Variants in GABRB3 observed in about 807,000 individuals in gnomAD.
The protein encoded by GABRB3 is gamma-aminobutyric acid type A receptor subunit beta3.
GABRB3 carries 14 observed loss-of-function variants against 52.1 expected under a neutral mutation model. The observed-to-expected ratio is 0.27, with a 90% CI of 0.18 to 0.42. The LOEUF (loss-of-function observed/expected upper bound fraction) is 0.42, where lower values mean the gene tolerates loss of function less well. GABRB3 is among the 10% of genes least tolerant of loss of function. The pLI, the probability that GABRB3 is intolerant of heterozygous loss-of-function variation, is 1.00. For synonymous variants in GABRB3, 260 were observed against 232.3 expected (o/e 1.12, Z -1.08); for missense variants, 307 against 609.1 (o/e 0.50, Z 5.22).
chr15:26,645,664 C>G (rs558819087), intron 3 of GABRB3, among the ~76,000 whole-genome samples: 13 of 152,238 alleles, frequency 8.5e-5, no homozygotes, highest in African/African-American at 3.1e-4. Context: ...GGATGGCTTG[C>G]TTGGGTGCAG....
chr15:26,611,195 TAA>T (rs1566773500), intron 4 of GABRB3, among the ~76,000 whole-genome samples: 1 of 152,188 alleles, frequency 6.6e-6, no homozygotes, highest in African/African-American at 2.4e-5. Flanking sequence ...ATAAACTCTT[TAA>T]AAAATGAAAG....
chr15:26,650,730 G>A (rs929025752), intron 3 of GABRB3, among the ~76,000 whole-genome samples: 5 of 152,004 alleles, frequency 3.3e-5, no homozygotes, highest in African/African-American at 1.2e-4. Flanking sequence ...CCATTGAGTG[G>A]TGTCTTCACT....
chr15:26,604,853 T>C (rs1383912640), intron 4 of GABRB3, among the ~76,000 whole-genome samples: 1 of 152,020 alleles, frequency 6.6e-6, no homozygotes, highest in Non-Finnish European at 1.5e-5. Flanking sequence ...GACATTGGTC[T>C]GGGAAAAAGA....
In GABRB3 at chr15:26,548,006, C is replaced by T; in HGVS notation, c.1209G>A (p.Arg403=). ...GCCCTTCTCGAGGCATGCTCTGTTT[C>T]CTGTACTGGATTCCTGAGTTGTCAA... is the stretch of plus-strand genomic sequence containing the variant. ...ISFDNSGIQY[R]KQSMPREGHG... Residue 403 remains arginine (R), a synonymous_variant, in exon 9 of 9, where the codon AGG becomes AGA. Transcript: ENST00000311550. 1 of 1,614,196 alleles carries T rather than the reference C, an allele frequency of 6.2e-7. No homozygotes were observed. The highest frequency in any genetic ancestry group is 8.5e-7 in the Non-Finnish European group (1 of 1,180,044).
At chr15:26,551,733 C>G (rs1889471663) in intron 8 of GABRB3, among the ~76,000 whole-genome samples, 1 of 152,134 alleles carries the variant, frequency 6.6e-6, no homozygotes, top group South Asian at 2.1e-4. Flanking sequence ...AGTTTACAGG[C>G]AGCATTGGTT....
At position 26,547,585 on chromosome 15, in the gene GABRB3, T is replaced by C; in HGVS notation, c.*208A>G. 1 of 605,100 alleles carries C rather than the reference T, an allele frequency of 1.7e-6. No individual in the cohort carries two copies. The highest frequency in any genetic ancestry group is 2.9e-6 in the Non-Finnish European group (1 of 340,744). The allele number at this position is 605,100 out of a possible 1,614,324, so 37.5% of individuals were successfully genotyped here. A position where few individuals can be genotyped will look rare whatever the true frequency, so the allele number is the denominator to read the frequency against. ...TTCCATACACATGGGCACTGACTCC[T>C]GTGTGTATAAACATATACACATACA... On this transcript the variant is annotated 3_prime_UTR_variant, in exon 9 of 9. Coordinates refer to ENST00000311550, the MANE Select transcript of GABRB3 (RefSeq NM_000814.6).
intron 3 of GABRB3, among the ~76,000 whole-genome samples, chr15:26,647,435 T>G (rs955368040): frequency 1.3e-5 from 2 of 152,186 alleles, no homozygotes; most frequent in African/African-American, 4.8e-5. Flanking sequence ...GAGCCCAAGA[T>G]CAGGAAGATT....
chr15:26,559,230 A>C (rs1391496909), intron 8 of GABRB3, among the ~76,000 whole-genome samples: 5 of 152,184 alleles, frequency 3.3e-5, no homozygotes, highest in African/African-American at 9.7e-5. Context: ...ACTTCTCATG[A>C]GATGATCTGG....
At chr15:26,654,312 A>AT (rs1438488583) in intron 3 of GABRB3, among the ~76,000 whole-genome samples, 1 of 152,020 alleles carries the variant, frequency 6.6e-6, no homozygotes, top group Non-Finnish European at 1.5e-5. Flanking sequence ...TGCCTGGCTA[A>AT]TTTTTTGTAT....
At chr15:26,683,071 C>T (rs1412680303) in intron 3 of GABRB3, among the ~76,000 whole-genome samples, 1 of 150,594 alleles carries the variant, frequency 6.6e-6, no homozygotes, top group Non-Finnish European at 1.5e-5. Context: ...TCAAAACAGA[C>T]TCCCCAGGCC....
intron 4 of GABRB3, among the ~76,000 whole-genome samples, chr15:26,611,695 T>C (rs139745367): frequency 1.3e-5 from 2 of 152,226 alleles, no homozygotes; most frequent in Admixed American, 1.3e-4. Context: ...TCTGTACGTC[T>C]ATCTTCATGC....
At chr15:26,629,257 G>A in intron 3 of GABRB3, 3 of 1,221,266 alleles carry the variant, frequency 2.5e-6, no homozygotes, top group Non-Finnish European at 2.2e-6. Context: ...TTGGCCCCGA[G>A]AGGGAGGAGG....
At chr15:26,677,376 T>C (rs951036292) in intron 3 of GABRB3, among the ~76,000 whole-genome samples, 1 of 152,214 alleles carries the variant, frequency 6.6e-6, no homozygotes, top group African/African-American at 2.4e-5. Flanking sequence ...ACTTTTAAAG[T>C]CCTCTCATTC....
At chr15:26,773,366 G>A (rs905855452), upstream of GABRB3, among the ~76,000 whole-genome samples, 2 of 150,954 alleles carry the variant, frequency 1.3e-5, no homozygotes, top group African/African-American at 4.8e-5. Flanking sequence ...AGCCGCGGCT[G>A]CGCGGAGTCG....
chr15:26,615,346 G>C (rs757627724), intron 4 of GABRB3: 1 of 985,586 alleles, frequency 1.0e-6, no homozygotes, highest in South Asian at 4.7e-5. Context: ...ACCCTGTCCA[G>C]AGCATTCTCT....
intron 3 of GABRB3, among the ~76,000 whole-genome samples, chr15:26,672,875 G>T (rs988240886): frequency 6.6e-6 from 1 of 152,170 alleles, no homozygotes; most frequent in East Asian, 1.9e-4. Flanking sequence ...AGAGAAAGGA[G>T]ACAGCAAAAG....
chr15:26,715,180 G>A (rs949731942), intron 3 of GABRB3, among the ~76,000 whole-genome samples: 3 of 152,152 alleles, frequency 2.0e-5, no homozygotes, highest in Non-Finnish European at 4.4e-5. Flanking sequence ...CAGGACCAGC[G>A]AGCTTTTCTA....
chr15:26,650,947 A>G (rs1887177874), intron 3 of GABRB3, among the ~76,000 whole-genome samples: 1 of 152,052 alleles, frequency 6.6e-6, no homozygotes, highest in Non-Finnish European at 1.5e-5. Context: ...CATGTTCATC[A>G]CTTAAGAAAG....
chr15:26,694,642 T>C (rs1449817586), intron 3 of GABRB3, among the ~76,000 whole-genome samples: 2 of 152,224 alleles, frequency 1.3e-5, no homozygotes, highest in Admixed American at 1.3e-4. Flanking sequence ...ATGCATCATG[T>C]CTGGTTTTCA....
Sources: gnomAD v4.1 joint callset for allele counts (sites outside exome capture counted in the v4.1 genomes callset) on GRCh38, gnomAD v4.1.1 for gene constraint, MANE v1.5 for transcripts, NCBI Gene and HGNC (gene_info 2026-07-23, HGNC 2026-07-21) for gene names.